The following KIT variants were observed in gnomAD, a reference collection of about 807,000 sequenced individuals.
KIT encodes the protein mast/stem cell growth factor receptor Kit.
Under a neutral mutation model 105.7 loss-of-function variants are expected in KIT, and 16 were observed. The ratio of observed to expected loss-of-function variants is 0.15; its 90% confidence interval spans 0.10 to 0.23. KIT has a LOEUF of 0.23. KIT is among the 10% of genes least tolerant of loss of function. The pLI is 1.00. For synonymous variants in KIT, 438 were observed against 441.1 expected (o/e 0.99, Z 0.09); for missense variants, 858 against 1,213.8 (o/e 0.71, Z 4.36).
intron 9 of KIT, among the ~76,000 whole-genome samples, chr4:54,726,523 C>T (rs1425331985): frequency 1.3e-5 from 2 of 152,186 alleles, no homozygotes; most frequent in South Asian, 2.1e-4. Context: ...AAATTTGATT[C>T]ATGTGTGACT....
chr4:54,682,834 C>T (rs1219327369), intron 1 of KIT, among the ~76,000 whole-genome samples: 2 of 151,878 alleles, frequency 1.3e-5, no homozygotes, highest in African/African-American at 4.8e-5. Context: ...TCACTGCAAC[C>T]TCTGCCTCCC....
chr4:54,707,004 A>G, intron 5 of KIT, 94 bp from the exon 6 acceptor site: 1 of 722,620 alleles, frequency 1.4e-6, no homozygotes, highest in Admixed American at 2.6e-5. Flanking sequence ...CTGGAAATCA[A>G]CCAATTGTTT....
In KIT at chr4:54,739,057, T is replaced by G. The variant is rs1480123873; in HGVS notation, c.*500T>G. ...ACCTGGGCTTAAGAAATCTAGTATT[T>G]CATGCTGGGAATGAGACATAGGCCA... is the stretch of plus-strand genomic sequence containing the variant. On this transcript the variant is annotated 3_prime_UTR_variant, in exon 21 of 21. Transcript: ENST00000288135. 4.7e-6 allele frequency: 2 copies of G among 426,332 alleles called. No individual in the cohort carries two copies. Among genetic ancestry groups the G allele is most frequent in the Middle Eastern group, 6.0e-4 (1 of 1,666 alleles). 26.4% of individuals were successfully genotyped at this position (426,332 alleles called of 1,614,324 possible). A position where few individuals can be genotyped will look rare whatever the true frequency, so the allele number is the denominator to read the frequency against.
At chr4:54,681,583 G>C (rs1364617074) in intron 1 of KIT, among the ~76,000 whole-genome samples, 1 of 152,184 alleles carries the variant, frequency 6.6e-6, no homozygotes, top group Non-Finnish European at 1.5e-5. Flanking sequence ...CTGGTAAGGT[G>C]TGTGTATCTA....
intron 1 of KIT, among the ~76,000 whole-genome samples, chr4:54,678,984 A>G (rs533982599): frequency 2.0e-5 from 3 of 151,338 alleles, no homozygotes; most frequent in Admixed American, 1.3e-4. Context: ...ACTGAAGGAG[A>G]CAGCCTTGTA....
chr4:54,720,032 C>A lies in KIT; in HGVS notation c.1232-3552C>A, dbSNP rs369193782. Among the ~76,000 whole-genome samples the A allele has an allele frequency of 1.2e-4, 18 of 152,260 alleles. No homozygotes were observed. The East Asian group carries it at 2.5e-3, about 21-fold the overall frequency. On this transcript the variant is annotated intron_variant, in intron 7 of 20. Transcript: ENST00000288135. ...AAGGAGGTGCTCTCACAGATACCCA[C>A]TCATAGGCCCTTTAGGGTTAGTGCC...
chr4:54,672,608 A>C (rs1410037740), intron 1 of KIT, among the ~76,000 whole-genome samples: 2 of 152,154 alleles, frequency 1.3e-5, no homozygotes, highest in Non-Finnish European at 2.9e-5. Flanking sequence ...TAATATCTAA[A>C]AGGCAATCAG....
intron 11 of KIT, 40 bp downstream of exon 11, chr4:54,727,582 G>T (rs1172919740): frequency 1.2e-6 from 2 of 1,613,406 alleles, no homozygotes; most frequent in Admixed American, 3.3e-5. Flanking sequence ...ACCTTTTTGG[G>T]TACACATAAC....
At chr4:54,692,891 A>G (rs1719808098) in intron 1 of KIT, among the ~76,000 whole-genome samples, 1 of 152,198 alleles carries the variant, frequency 6.6e-6, no homozygotes, top group Non-Finnish European at 1.5e-5. Context: ...ATGGGGCTAC[A>G]GTTGATGCCA....
intron 6 of KIT, 102 bp downstream of exon 6, chr4:54,707,389 T>G: frequency 1.2e-6 from 1 of 858,402 alleles, no homozygotes; most frequent in South Asian, 1.4e-5. Flanking sequence ...AGAAGATACC[T>G]GGTAAAGAAG....
At chr4:54,669,211 A>AC (rs11345859) in intron 1 of KIT, among the ~76,000 whole-genome samples, 5,513 of 147,088 alleles carry the variant, frequency 0.037, 107 homozygotes, top group Non-Finnish European at 0.054. Flanking sequence ...ATAAAAGAGG[A>AC]CCCCCCCCCC....
At position 54,731,905 on chromosome 4, in the gene KIT, C is replaced by T. The variant is rs1722622843; in HGVS notation, c.2268C>T (p.Ile756=). ...SYIERDVTPA[I]MEDDELALDL... ...TAGAAAGAGATGTGACTCCCGCCAT[C>T]ATGGAGGATGACGAGTTGGCCCTAG... The change falls in exon 16 of 21, where the codon ATC becomes ATT. Residue 756 remains isoleucine, a synonymous_variant. Transcript: ENST00000288135. 7.4e-6 allele frequency: 12 copies of T among 1,613,608 alleles called. No homozygotes were observed. The highest frequency in any genetic ancestry group is 1.7e-5 in the Admixed American group (1 of 59,974).
intron 1 of KIT, among the ~76,000 whole-genome samples, 200 bp downstream of exon 1, chr4:54,658,281 C>T (rs1716964438): frequency 6.6e-6 from 1 of 152,114 alleles, no homozygotes; most frequent in South Asian, 2.1e-4. Flanking sequence ...GAGACCCCAG[C>T]TGCTGGTGGT....
chr4:54,687,705 C>G lies in KIT; in HGVS notation c.68-7807C>G, dbSNP rs185990298. On this transcript the variant is annotated intron_variant, in intron 1 of 20. Transcript: ENST00000288135. ...AGCTTTTCCTGATGCTTTGGACACC[C>G]CTTCATGCTTTGAGAACTTTGTCTT... 9.9e-5 allele frequency among the ~76,000 whole-genome samples: 15 copies of G among 152,076 alleles called. No individual in the cohort carries two copies. In the East Asian group the frequency reaches 1.9e-3, roughly 20 times the overall value.
chr4:54,689,782 A>G (rs1446519360), intron 1 of KIT, among the ~76,000 whole-genome samples: 1 of 152,206 alleles, frequency 6.6e-6, no homozygotes, highest in Non-Finnish European at 1.5e-5. Flanking sequence ...TATCTTCACA[A>G]TGTTGTGTAA....
intron 6 of KIT, among the ~76,000 whole-genome samples, chr4:54,708,777 A>G (rs2969161): frequency 0.93 from 141,389 of 152,020 alleles, 66,569 homozygotes; most frequent in East Asian, 1. Context: ...TGGGTCGTGG[A>G]CTGCCCAGGG....
In KIT at chr4:54,733,261, T is replaced by C. The variant is rs1722719044; in HGVS notation, c.2484+69T>C. 3.9e-6 allele frequency: 6 copies of C among 1,543,044 alleles called. No individual in the cohort carries two copies. The African/African-American group carries it at 5.4e-5, about 14-fold the overall frequency. ...AGTTTCAACTTTCGATAAAAATTGT[T>C]TCCTGTGATTTTCATAATGTAAATC... On this transcript the variant is annotated intron_variant, in intron 17 of 20. Transcript: ENST00000288135.
rs540238005 is a variant in KIT at position 54,678,650 on chromosome 4, T to C, written c.68-16862T>C. Among the ~76,000 whole-genome samples the C allele has an allele frequency of 5.9e-5, 9 of 152,224 alleles. No individual in the cohort carries two copies. In the South Asian group the frequency reaches 1.9e-3, roughly 32 times the overall value. Reference sequence around the variant, plus strand: ...ACTCCAAAACCCACACCTGTTTTCATAATATTCCTCTTGTTTTCATCTGCT... The same window carrying C: ...ACTCCAAAACCCACACCTGTTTTCACAATATTCCTCTTGTTTTCATCTGCT... On this transcript the variant is annotated intron_variant, in intron 1 of 20. Coordinates refer to ENST00000288135, the MANE Select transcript of KIT (RefSeq NM_000222.3).
chr4:54,699,573 C>G, intron 3 of KIT, 57 bp from the exon 4 acceptor site: 3 of 1,598,038 alleles, frequency 1.9e-6, no homozygotes, highest in Non-Finnish European at 2.6e-6. Flanking sequence ...AATGGTAAAT[C>G]AAAATTTCAT....
Sources: gnomAD v4.1 joint callset for allele counts (sites outside exome capture counted in the v4.1 genomes callset) on GRCh38, gnomAD v4.1.1 for gene constraint, MANE v1.5 for transcripts, NCBI Gene and HGNC (gene_info 2026-07-23, HGNC 2026-07-21) for gene names.